PLB1: variants seen among roughly 807,000 people sequenced by gnomAD.
PLB1 encodes phospholipase B1, membrane-associated.
In PLB1, 242 loss-of-function variants were observed where a neutral mutation model predicts 227.4. The ratio of observed to expected loss-of-function variants is 1.06; its 90% CI spans 0.96 to 1.18. The LOEUF (loss-of-function observed/expected upper bound fraction) is 1.18, where lower values mean the gene tolerates loss of function less well. Ranked by LOEUF, PLB1 falls within the 50% of genes most tolerant of loss-of-function variation. The pLI, the probability that PLB1 is intolerant of heterozygous loss-of-function variation, is 0.00. For synonymous variants in PLB1, 757 were observed against 682.2 expected (o/e 1.11, Z -1.71); for missense variants, 1,858 against 1,816.3 (o/e 1.02, Z -0.42).
intron 20 of PLB1, 122 bp from the exon 21 acceptor site, chr2:28,573,075 G>A: frequency 1.4e-6 from 1 of 703,606 alleles, no homozygotes; most frequent in East Asian, 2.7e-5. Flanking sequence ...AGTGAAGGTT[G>A]GGGTAAGAGT....
intron 46 of PLB1, 136 bp downstream of exon 46, chr2:28,618,535 T>C: frequency 1.2e-6 from 1 of 849,076 alleles, no homozygotes; most frequent in Non-Finnish European, 1.9e-6. Flanking sequence ...TGTCAGGCAC[T>C]GAAACACAGC....
intron 6 of PLB1, among the ~76,000 whole-genome samples, chr2:28,529,085 C>G (rs1310921719): frequency 2.0e-5 from 3 of 151,650 alleles, no homozygotes; most frequent in Admixed American, 6.6e-5. Flanking sequence ...GTAGCTATGA[C>G]CACAGGTGAG....
chr2:28,593,924 G>A, intron 33 of PLB1, 170 bp downstream of exon 33: 1 of 738,860 alleles, frequency 1.4e-6, no homozygotes, highest in Non-Finnish European at 2.5e-6. Context: ...GGTGAGTGGA[G>A]AGGATATTTT....
Position 28,629,199 on chromosome 2 carries a change from TCACCGTCCCAAGGCAAGGG to T in PLB1, c.3818+19_3818+37del. On this transcript the variant is annotated intron_variant, in intron 53 of 57. Coordinates refer to ENST00000327757, the MANE Select transcript of PLB1 (RefSeq NM_153021.5). ...GCTGGCAGCTCAGTAAGTGGACAGGTCACCGTCCCAAGGCAAGGGCACCTGGGGTGAGGAGGGCTTGCAG... is the reference window on the plus strand; with the variant it reads ...GCTGGCAGCTCAGTAAGTGGACAGGTCACCTGGGGTGAGGAGGGCTTGCAG... 6.2e-7 allele frequency: 1 copy of T among 1,611,452 alleles called. No individual in the cohort carries two copies. The highest frequency in any genetic ancestry group is 1.3e-5 in the African/African-American group (1 of 74,910).
intron 20 of PLB1, among the ~76,000 whole-genome samples, chr2:28,572,404 T>C (rs11684964): frequency 0.013 from 1,948 of 152,270 alleles, 34 homozygotes; most frequent in South Asian, 0.05. Flanking sequence ...CCTTTTCCAC[T>C]CTTAGATACA....
chr2:28,568,762 C>T (rs2148248852), intron 20 of PLB1, among the ~76,000 whole-genome samples: 1 of 152,282 alleles, frequency 6.6e-6, no homozygotes, highest in South Asian at 2.1e-4. Context: ...ACCCTGTCTT[C>T]TGAAAAGGAG....
chr2:28,536,705 T>C (rs746160094), intron 9 of PLB1, among the ~76,000 whole-genome samples: 8 of 152,166 alleles, frequency 5.3e-5, no homozygotes, highest in Non-Finnish European at 8.8e-5. Context: ...TTTGAAGAAA[T>C]CAGCTTTTTC....
At chr2:28,638,278 A>G (rs183439689) in intron 56 of PLB1, among the ~76,000 whole-genome samples, 2 of 152,184 alleles carry the variant, frequency 1.3e-5, no homozygotes, top group East Asian at 3.9e-4. Flanking sequence ...TGAATTGAGA[A>G]GCGCATGTCA....
At chr2:28,600,923 A>G (rs1188683573) in intron 36 of PLB1, 63 bp downstream of exon 36, 1 of 1,439,150 alleles carries the variant, frequency 6.9e-7, no homozygotes, top group Non-Finnish European at 9.7e-7. Flanking sequence ...TTGTCTCCAA[A>G]CGGAGTGGCC....
chr2:28,503,399 CCAA>C (rs1667313361), intron 1 of PLB1, among the ~76,000 whole-genome samples: 2 of 152,280 alleles, frequency 1.3e-5, no homozygotes, highest in East Asian at 1.9e-4. Flanking sequence ...AAGCTATCAT[CCAA>C]CAGCCTCTCA....
At chr2:28,525,979 T>C in intron 6 of PLB1, 34 bp downstream of exon 6, 2 of 1,613,128 alleles carry the variant, frequency 1.2e-6, no homozygotes, top group Non-Finnish European at 1.7e-6. Context: ...GATTTCAGAG[T>C]GCCCCTCTCC....
At chr2:28,599,756 C>T (rs753048617) in intron 35 of PLB1, among the ~76,000 whole-genome samples, 10 of 152,120 alleles carry the variant, frequency 6.6e-5, no homozygotes, top group Non-Finnish European at 1.2e-4. Context: ...GCTGGGATTA[C>T]AGGCTTCTAC....
At chr2:28,576,391 G>A (rs1478201063) in intron 21 of PLB1, among the ~76,000 whole-genome samples, 1 of 152,148 alleles carries the variant, frequency 6.6e-6, no homozygotes, top group Non-Finnish European at 1.5e-5. Context: ...ATAACCATGA[G>A]ATGAACAGAG....
intron 56 of PLB1, among the ~76,000 whole-genome samples, chr2:28,635,243 C>G (rs1011075352): frequency 2.6e-5 from 4 of 152,172 alleles, no homozygotes; most frequent in Non-Finnish European, 5.9e-5. Context: ...CAAAGCCAAT[C>G]TTAGACATAA....
intron 9 of PLB1, among the ~76,000 whole-genome samples, chr2:28,533,010 A>C (rs1488591264): frequency 6.6e-6 from 1 of 152,196 alleles, no homozygotes; most frequent in Non-Finnish European, 1.5e-5. Context: ...AGGATCCTGA[A>C]GACTGGCTGC....
At chr2:28,539,291 C>A in intron 11 of PLB1, 113 bp downstream of exon 11, 2 of 961,352 alleles carry the variant, frequency 2.1e-6, no homozygotes, top group Non-Finnish European at 3.3e-6. Flanking sequence ...GAACAGAGGC[C>A]AAAGGAGGCC....
chr2:28,552,042 T>G (rs1404616216), intron 16 of PLB1, among the ~76,000 whole-genome samples: 1 of 152,160 alleles, frequency 6.6e-6, no homozygotes, highest in South Asian at 2.1e-4. Context: ...AAATAGGACT[T>G]GTCCCAAGGA....
At chr2:28,628,325 A>T (rs1472802040) in intron 51 of PLB1, among the ~76,000 whole-genome samples, 2 of 152,030 alleles carry the variant, frequency 1.3e-5, no homozygotes, top group East Asian at 1.9e-4. Context: ...TGGGTCTGAG[A>T]TTATGTAGAG....
chr2:28,633,898 G>A (rs116069568), intron 56 of PLB1, among the ~76,000 whole-genome samples: 45 of 152,284 alleles, frequency 3.0e-4, no homozygotes, highest in African/African-American at 1.1e-3. Flanking sequence ...AACTAAACAA[G>A]CTACATTCCA....
Sources: allele counts gnomAD v4.1 joint callset (sites outside exome capture counted in the v4.1 genomes callset), GRCh38; gene constraint gnomAD v4.1.1; transcripts MANE v1.5; gene names NCBI Gene and HGNC (gene_info 2026-07-23, HGNC 2026-07-21).